Variants in FSTL5 observed in about 807,000 individuals in gnomAD.
The protein encoded by FSTL5 is follistatin like 5, also known as follistatin-related protein 5.
FSTL5 carries 62 observed loss-of-function variants against 89.1 expected under a neutral mutation model. That is an observed-to-expected ratio of 0.70 (90% CI 0.57 to 0.86). FSTL5 has a LOEUF of 0.86. FSTL5 is among the 40% of genes least tolerant of loss of function. The pLI, the probability that FSTL5 is intolerant of heterozygous loss-of-function variation, is 0.00. For missense variants in FSTL5, 1,057 were observed against 1,001.6 expected, an observed-to-expected ratio of 1.06 and a Z score of -0.75; for synonymous variants, 383 against 346.2, an observed-to-expected ratio of 1.11 and a Z score of -1.18.
chr4:161,833,432 T>A (rs1443824130), intron 4 of FSTL5, among the ~76,000 whole-genome samples: 1 of 121,780 alleles, frequency 8.2e-6, no homozygotes, highest in Non-Finnish European at 1.8e-5. Context: ...TTCCTGGGTA[T>A]CCTTGTTAAC....
intron 8 of FSTL5, among the ~76,000 whole-genome samples, chr4:161,571,292 G>A (rs1226160179): frequency 6.6e-6 from 1 of 152,102 alleles, no homozygotes; most frequent in Non-Finnish European, 1.5e-5. Context: ...ACAGTGGATG[G>A]TTTTGGCAGA....
At chr4:162,050,532 A>G (rs1236665378) in intron 2 of FSTL5, among the ~76,000 whole-genome samples, 1 of 150,278 alleles carries the variant, frequency 6.7e-6, no homozygotes, top group South Asian at 2.1e-4. Flanking sequence ...AAATTAAATA[A>G]CAGTATTTAA....
intron 7 of FSTL5, among the ~76,000 whole-genome samples, chr4:161,622,409 C>T (rs1735167579): frequency 6.6e-6 from 1 of 152,028 alleles, no homozygotes; most frequent in African/African-American, 2.4e-5. Context: ...GACGTAAAAA[C>T]ATAACAAACA....
At chr4:161,396,375 C>G (rs1560874209) in intron 15 of FSTL5, among the ~76,000 whole-genome samples, 1 of 151,756 alleles carries the variant, frequency 6.6e-6, no homozygotes, top group Non-Finnish European at 1.5e-5. Context: ...GGTACAGTGG[C>G]TCATGCCTGT....
chr4:161,789,381 T>A (rs1022685319), intron 4 of FSTL5, among the ~76,000 whole-genome samples: 2 of 152,118 alleles, frequency 1.3e-5, no homozygotes, highest in Admixed American at 6.5e-5. Flanking sequence ...CATTCTAGCC[T>A]TTTGTGGCCT....
intron 8 of FSTL5, among the ~76,000 whole-genome samples, chr4:161,553,805 T>C (rs61195378): frequency 0.18 from 27,009 of 151,380 alleles, 2,746 homozygotes; most frequent in East Asian, 0.39. Flanking sequence ...AATAAATTAG[T>C]GCATTTATAG....
In FSTL5 at chr4:162,111,298, A is replaced by T. The variant is rs747786364; in HGVS notation, c.99T>A (p.Tyr33Ter). The T allele has an allele frequency of 1.9e-6, 3 of 1,611,494 alleles. No homozygotes were observed. Among genetic ancestry groups the T allele is most frequent in the Non-Finnish European group, 2.5e-6 (3 of 1,178,200 alleles). ...TKEGGYGLKS[Y>*]QPLMRLRHKQ... ...TATGTCGCAATCTCATTAGAGGCTGATAGGATTTAAGGCCATATCCTCCTT... is the reference window on the plus strand; with the variant it reads ...TATGTCGCAATCTCATTAGAGGCTGTTAGGATTTAAGGCCATATCCTCCTT... Residue 33 changes from tyrosine (Y) to a stop codon, truncating the protein, a stop_gained, in exon 2 of 16, where the codon TAT becomes TAA. Coordinates refer to ENST00000306100, the MANE Select transcript of FSTL5 (RefSeq NM_020116.5). LOFTEE classifies it high-confidence loss of function.
At chr4:161,581,772 G>A (rs551805146) in intron 8 of FSTL5, among the ~76,000 whole-genome samples, 2 of 152,140 alleles carry the variant, frequency 1.3e-5, no homozygotes, top group Non-Finnish European at 2.9e-5. Flanking sequence ...AAACACATCC[G>A]CACAATATTA....
At chr4:161,805,335 GA>G (rs1289056278) in intron 4 of FSTL5, among the ~76,000 whole-genome samples, 1 of 152,076 alleles carries the variant, frequency 6.6e-6, no homozygotes, top group Non-Finnish European at 1.5e-5. Context: ...TATTTGCTGA[GA>G]AAATTATTCC....
chr4:161,747,295 A>G (rs7665974), intron 6 of FSTL5, among the ~76,000 whole-genome samples: 142,068 of 152,248 alleles, frequency 0.93, 66,449 homozygotes, highest in Non-Finnish European at 0.97. Flanking sequence ...AATATACCAC[A>G]TTTATTCTTC....
intron 4 of FSTL5, among the ~76,000 whole-genome samples, chr4:161,785,333 A>T (rs1201914009): frequency 1.3e-5 from 2 of 152,224 alleles, no homozygotes; most frequent in Non-Finnish European, 2.9e-5. Context: ...GCCTGCCTAC[A>T]TGTAATCTGA....
chr4:161,738,282 T>C (rs536717686), intron 6 of FSTL5, among the ~76,000 whole-genome samples: 14 of 152,184 alleles, frequency 9.2e-5, no homozygotes, highest in African/African-American at 3.4e-4. Flanking sequence ...CATTAACCTA[T>C]AAATAATCCT....
At chr4:161,649,936 A>T (rs1459252505) in intron 7 of FSTL5, among the ~76,000 whole-genome samples, 1 of 152,198 alleles carries the variant, frequency 6.6e-6, no homozygotes, top group Non-Finnish European at 1.5e-5. Flanking sequence ...TTGAACCCTG[A>T]GATTACCTTG....
At chr4:161,622,932 G>T (rs752423947) in intron 7 of FSTL5, among the ~76,000 whole-genome samples, 2 of 151,986 alleles carry the variant, frequency 1.3e-5, no homozygotes, top group Admixed American at 6.6e-5. Context: ...TATAAAGCTG[G>T]GAACAGACGT....
Position 161,459,163 on chromosome 4 carries a change from G to A in FSTL5, c.1716+49C>T, listed in dbSNP as rs1325122579. On this transcript the variant is annotated intron_variant, in intron 14 of 15. Coordinates refer to ENST00000306100, the MANE Select transcript of FSTL5 (RefSeq NM_020116.5). ...GATCACAAATATCCAATAAAATGTT[G>A]AAAGCTTTAAAGATTGTTATTTTCT... is the stretch of plus-strand genomic sequence containing the variant. 4.5e-6 allele frequency: 5 copies of A among 1,101,180 alleles called. No homozygotes were observed. The South Asian group carries it at 6.4e-5, about 14-fold the overall frequency. 68.2% of individuals were successfully genotyped at this position (1,101,180 alleles called of 1,614,324 possible).
At chr4:161,835,749 A>G (rs1174909389) in intron 4 of FSTL5, among the ~76,000 whole-genome samples, 2 of 152,200 alleles carry the variant, frequency 1.3e-5, no homozygotes, top group East Asian at 1.9e-4. Context: ...CAAAACCACA[A>G]TGGGATACCA....
intron 4 of FSTL5, among the ~76,000 whole-genome samples, chr4:161,784,895 A>AAAAAAAAAAAAAAC (rs1553965825): frequency 7.0e-6 from 1 of 142,016 alleles, no homozygotes; most frequent in African/African-American, 2.6e-5. Context: ...TCCGTCTCAA[A>AAAAAAAAAAAAAAC]AAAAACAAAA....
chr4:162,045,034 C>T (rs927476385), intron 2 of FSTL5, among the ~76,000 whole-genome samples: 2 of 152,158 alleles, frequency 1.3e-5, no homozygotes, highest in African/African-American at 4.8e-5. Flanking sequence ...TAAAGTAGCA[C>T]TTTTAATTTT....
chr4:161,766,431 C>G (rs1419419057), intron 5 of FSTL5, among the ~76,000 whole-genome samples: 2 of 152,138 alleles, frequency 1.3e-5, no homozygotes, highest in Non-Finnish European at 2.9e-5. Context: ...CTATGCTCCT[C>G]TAAGTAACAC....
Sources: allele counts gnomAD v4.1 joint callset (sites outside exome capture counted in the v4.1 genomes callset), GRCh38; gene constraint gnomAD v4.1.1; transcripts MANE v1.5; gene names NCBI Gene and HGNC (gene_info 2026-07-23, HGNC 2026-07-21).